Variants in AMPD3 observed in about 807,000 individuals in gnomAD.
AMPD3 encodes the protein AMP deaminase 3.
Under a neutral mutation model 82.3 loss-of-function variants are expected in AMPD3, and 57 were observed. The observed-to-expected ratio is 0.69, with a 90% CI of 0.56 to 0.86. AMPD3 has a LOEUF of 0.86. Ranked by LOEUF, AMPD3 falls within the 40% of genes least tolerant of loss-of-function variation. The pLI, the probability that AMPD3 is intolerant of heterozygous loss-of-function variation, is 0.00. For synonymous variants in AMPD3, 381 were observed against 394.7 expected, an observed-to-expected ratio of 0.97 and a Z score of 0.41; for missense variants, 870 against 1,003.8, an observed-to-expected ratio of 0.87 and a Z score of 1.80.
chr11:10,451,977 C>G (rs545584085), upstream of AMPD3, among the ~76,000 whole-genome samples: 35 of 152,240 alleles, frequency 2.3e-4, no homozygotes, highest in African/African-American at 7.9e-4. Flanking sequence ...GTTGGCCTGG[C>G]CTGGCTGCAG....
upstream of AMPD3, chr11:10,450,514 G>A (rs1051526970): frequency 1.0e-6 from 1 of 986,034 alleles, no homozygotes; most frequent in African/African-American, 1.7e-5. Context: ...GGAGGACGTC[G>A]GGCAAGCCCG....
chr11:10,500,031 C>T (rs148957564), intron 10 of AMPD3, 55 bp from the exon 11 acceptor site: 82 of 1,610,542 alleles, frequency 5.1e-5, no homozygotes, highest in South Asian at 3.3e-4. Flanking sequence ...GAGGCTGAAC[C>T]GAGGCTGAGT....
chr11:10,486,778 G>A, intron 5 of AMPD3: 1 of 985,382 alleles, frequency 1.0e-6, no homozygotes, highest in Non-Finnish European at 1.2e-6. Flanking sequence ...TTCAAGGAAT[G>A]ACAAGTGGCT....
intron 10 of AMPD3, chr11:10,497,554 T>C: frequency 1.0e-6 from 1 of 985,084 alleles, no homozygotes; most frequent in Non-Finnish European, 1.2e-6. Context: ...ATGGATGACT[T>C]TCTACAGGGA....
intron 1 of AMPD3, among the ~76,000 whole-genome samples, chr11:10,460,097 A>T (rs1411632103): frequency 4.1e-5 from 6 of 145,994 alleles, no homozygotes; most frequent in Non-Finnish European, 9.0e-5. Context: ...ATATATATAT[A>T]TATTTTATTT....
Position 10,456,645 on chromosome 11 carries a change from T to C in AMPD3, c.-6+1197T>C, listed in dbSNP as rs1232469401. On this transcript the variant is annotated intron_variant, in intron 1 of 14. Coordinates refer to ENST00000396553, the MANE Select transcript of AMPD3 (RefSeq NM_001025389.2). This position sits in a 1 kb window ranked among gnomAD's most constrained non-coding sequence, Gnocchi z 4.3. ...AGCTGTATCATTGGCTGACTGATGC[T>C]GGTGAATTCACAGCTAAGCCTCCCA... The C allele has an allele frequency of 7.1e-6, 7 of 980,564 alleles. No homozygotes were observed. The South Asian group carries it at 2.8e-4, about 40-fold the overall frequency. The allele number at this position is 980,564 out of a possible 1,614,324, so 60.7% of individuals were successfully genotyped here.
chr11:10,478,347 A>G lies in AMPD3; in HGVS notation c.222-179A>G, dbSNP rs1218037343. 19 of 985,238 alleles carry G rather than the reference A, an allele frequency of 1.9e-5. No homozygotes were observed. The South Asian group carries it at 7.0e-4, about 37-fold the overall frequency. The allele number at this position is 985,238 out of a possible 1,614,324, so 61.0% of individuals were successfully genotyped here. ...AGGGGTGTCTGGAGGGCCGTGTTCT[A>G]TCTCAGGCAGACATGTGTAAGAGGA... On this transcript the variant is annotated intron_variant, in intron 2 of 14. Transcript: ENST00000396553.
At chr11:10,466,732 G>A (rs1203452699) in intron 2 of AMPD3, among the ~76,000 whole-genome samples, 3 of 152,188 alleles carry the variant, frequency 2.0e-5, no homozygotes, top group East Asian at 1.9e-4. Flanking sequence ...CCTAACCCCC[G>A]TGTATCCTGA....
chr11:10,450,744 T>C (rs1847939063), upstream of AMPD3: 1 of 1,140,230 alleles, frequency 8.8e-7, no homozygotes. Context: ...CTCGGCTCTC[T>C]CTGCTCCGCT....
In AMPD3 at chr11:10,496,387, C is replaced by G. The variant is rs181829496; in HGVS notation, c.1431-425C>G. On this transcript the variant is annotated intron_variant, in intron 9 of 14. Coordinates refer to ENST00000396553, the MANE Select transcript of AMPD3 (RefSeq NM_001025389.2). Reference sequence around the variant, plus strand: ...TGCTGGCCTCTCCCTGGATGTCACTCAGACGGCTGCTGTCCTCTCCAGGCG... The same window carrying G: ...TGCTGGCCTCTCCCTGGATGTCACTGAGACGGCTGCTGTCCTCTCCAGGCG... 5.5e-4 allele frequency: 538 copies of G among 985,434 alleles called. 5 individuals carry two copies. In the African/African-American group the frequency reaches 8.8e-3, roughly 16 times the overall value. The allele number at this position is 985,434 out of a possible 1,614,324, so 61.0% of individuals were successfully genotyped here.
intron 2 of AMPD3, among the ~76,000 whole-genome samples, chr11:10,464,483 G>A (rs531037038): frequency 6.6e-5 from 10 of 152,284 alleles, no homozygotes; most frequent in African/African-American, 2.4e-4. Flanking sequence ...AGGTAGGGGT[G>A]GAGTCTTCGG....
At chr11:10,504,159 T>A in intron 13 of AMPD3, 1 of 921,804 alleles carries the variant, frequency 1.1e-6, no homozygotes, top group Non-Finnish European at 1.3e-6. Flanking sequence ...TTTATCTATC[T>A]ATCATCTATC....
At position 10,497,575 on chromosome 11, in the gene AMPD3, G is replaced by A. The variant is rs147338672; in HGVS notation, c.1557+637G>A. ...GACTTTCTACAGGGAGAGGCACAGC[G>A]GGGAGCCCGAGGGCTGGGGCACGGG... On this transcript the variant is annotated intron_variant, in intron 10 of 14. Coordinates refer to ENST00000396553, the MANE Select transcript of AMPD3 (RefSeq NM_001025389.2). The A allele has an allele frequency of 5.5e-5, 54 of 985,394 alleles. No homozygotes were observed. In the East Asian group the frequency reaches 9.1e-4, roughly 17 times the overall value. The allele number at this position is 985,394 out of a possible 1,614,324, so 61.0% of individuals were successfully genotyped here. A position where few individuals can be genotyped will look rare whatever the true frequency, so the allele number is the denominator to read the frequency against.
In AMPD3 at chr11:10,505,788, G is replaced by A. The variant is rs1849702220; in HGVS notation, c.2208G>A (p.Gln736=). ...ATATTCGAAAGACAAATGTGGCTCA[G>A]ATCCGGATGGCATTCCGATATGAGA... ...GNDIRKTNVA[Q]IRMAFRYETL... Residue 736 remains glutamine, a synonymous_variant, in exon 15 of 15, where the codon CAG becomes CAA. Coordinates refer to ENST00000396553, the MANE Select transcript of AMPD3 (RefSeq NM_001025389.2). The A allele has an allele frequency of 4.3e-6, 7 of 1,614,078 alleles. No homozygotes were observed. Among genetic ancestry groups the A allele is most frequent in the Non-Finnish European group, 5.9e-6 (7 of 1,180,056 alleles).
chr11:10,473,460 T>C, intron 2 of AMPD3: 2 of 982,160 alleles, frequency 2.0e-6, no homozygotes, highest in Non-Finnish European at 2.4e-6. Flanking sequence ...CCAGGAGGGG[T>C]TGTGGGGAAG....
At chr11:10,454,809 A>AT (rs1848046577), upstream of AMPD3, among the ~76,000 whole-genome samples, 1 of 152,120 alleles carries the variant, frequency 6.6e-6, no homozygotes, top group South Asian at 2.1e-4. Context: ...TTCTGGCAGA[A>AT]TAGTACTAAG....
chr11:10,476,218 C>T (rs1007023346), intron 2 of AMPD3, among the ~76,000 whole-genome samples: 6 of 152,144 alleles, frequency 3.9e-5, no homozygotes. Context: ...AGGAGTTAGC[C>T]TATCTGTGGT....
Position 10,484,910 on chromosome 11 carries a change from G to A in AMPD3, c.680G>A (p.Gly227Asp). ...GATTACTTGGTCCACATGCAGGGGG[G>A]CATCCTCTTTGTGTATGATAACAAG... ...NLDYLVHMQG[G>D]ILFVYDNKKM... The change falls in exon 5 of 15, where the codon GGC becomes GAC. Residue 227 changes from glycine (G) to aspartate (D), a missense_variant. Gly to Asp is a moderately conservative substitution (Grantham distance 94). Transcript: ENST00000396553. 3 of 1,614,080 alleles carry A rather than the reference G, an allele frequency of 1.9e-6. No individual in the cohort carries two copies. Among genetic ancestry groups the A allele is most frequent in the Middle Eastern group, 3.3e-4 (2 of 6,056 alleles).
At position 10,495,552 on chromosome 11, in the gene AMPD3, A is replaced by G. The variant is rs1394894342; in HGVS notation, c.1267-18A>G. 1 of 1,612,320 alleles carries G rather than the reference A, an allele frequency of 6.2e-7. No homozygotes were observed. The highest frequency in any genetic ancestry group is 1.3e-5 in the African/African-American group (1 of 74,838). On this transcript the variant is annotated intron_variant, in intron 8 of 14. Coordinates refer to ENST00000396553, the MANE Select transcript of AMPD3 (RefSeq NM_001025389.2). ...AGCTGGGATGCACTGGGGCTGACCC[A>G]AGCTCTTCTTGTGCCAGGAGGTTGC...
Sources: gnomAD v4.1 joint callset for allele counts (sites outside exome capture counted in the v4.1 genomes callset) on GRCh38, gnomAD v4.1.1 for gene constraint, Gnocchi (gnomAD v3.1) non-coding constraint, MANE v1.5 for transcripts, NCBI Gene and HGNC (gene_info 2026-07-23, HGNC 2026-07-21) for gene names.